Variants in AKAP19 observed in about 807,000 individuals in gnomAD.
The protein encoded by AKAP19 is small A-kinase anchoring protein.
chr2:189,916,811 T>C, the AKAP19 span, among the ~76,000 whole-genome samples: 12 of 152,312 alleles, frequency 7.9e-5, no homozygotes, highest in African/African-American at 2.6e-4. Flanking sequence ...TACTCCTGGG[T>C]AGTATTCCTT....
chr2:190,002,093 C>T, the AKAP19 span, among the ~76,000 whole-genome samples: 1 of 152,194 alleles, frequency 6.6e-6, no homozygotes, highest in African/African-American at 2.4e-5. Context: ...AGAACAAGGG[C>T]AGGGGATATG....
chr2:190,126,316 A>C, the AKAP19 span, among the ~76,000 whole-genome samples: 22 of 141,766 alleles, frequency 1.6e-4, 2 homozygotes, highest in African/African-American at 5.5e-4. Flanking sequence ...AAAAAAAAAA[A>C]AAAAAAAAGG....
chr2:189,934,311 T>G, the AKAP19 span, among the ~76,000 whole-genome samples: 1 of 152,188 alleles, frequency 6.6e-6, no homozygotes, highest in South Asian at 2.1e-4. Context: ...TTACGTCATT[T>G]GTAAAAACTG....
the AKAP19 span, among the ~76,000 whole-genome samples, chr2:189,935,383 G>A: frequency 4.6e-5 from 7 of 151,924 alleles, no homozygotes; most frequent in Non-Finnish European, 1.0e-4. Flanking sequence ...GCTAACATTG[G>A]TAAAGTAAAT....
chr2:189,948,677 T>C, the AKAP19 span, among the ~76,000 whole-genome samples: 7 of 152,366 alleles, frequency 4.6e-5, no homozygotes, highest in Admixed American at 3.9e-4. Flanking sequence ...CTTAATTTTT[T>C]AGCTTATTTT....
At chr2:189,977,201 G>T in the AKAP19 span, among the ~76,000 whole-genome samples, 9 of 152,156 alleles carry the variant, frequency 5.9e-5, no homozygotes, top group Non-Finnish European at 1.2e-4. Flanking sequence ...TAGACTGAAA[G>T]GCTAGTACAA....
At chr2:189,951,096 T>G in the AKAP19 span, among the ~76,000 whole-genome samples, 2 of 152,036 alleles carry the variant, frequency 1.3e-5, no homozygotes, top group African/African-American at 2.4e-5. Flanking sequence ...TCTTCCACCA[T>G]TCTGTTGTGA....
At chr2:190,048,885 C>G in the AKAP19 span, among the ~76,000 whole-genome samples, 2 of 152,108 alleles carry the variant, frequency 1.3e-5, no homozygotes, top group Non-Finnish European at 2.9e-5. Context: ...TTCCTTCACA[C>G]TTATGACAAA....
the AKAP19 span, among the ~76,000 whole-genome samples, chr2:189,949,321 A>G: frequency 6.6e-6 from 1 of 152,084 alleles, no homozygotes; most frequent in Non-Finnish European, 1.5e-5. Context: ...TGGGAGGCCA[A>G]GGCGAGTGGA....
chr2:189,993,820 G>C, the AKAP19 span, among the ~76,000 whole-genome samples: 1 of 152,084 alleles, frequency 6.6e-6, no homozygotes, highest in African/African-American at 2.4e-5. Flanking sequence ...GGTCTTGAAT[G>C]ATCTTTCGTA....
At chr2:189,895,401 G>T in the AKAP19 span, among the ~76,000 whole-genome samples, 14,527 of 152,140 alleles carry the variant, frequency 0.095, 1,528 homozygotes, top group African/African-American at 0.26. Flanking sequence ...TTATATTAAA[G>T]TCAGTAAGTA....
At chr2:190,084,104 T>TC in the AKAP19 span, among the ~76,000 whole-genome samples, 3 of 150,596 alleles carry the variant, frequency 2.0e-5, no homozygotes, top group African/African-American at 7.3e-5. Flanking sequence ...TTTTTTTTTT[T>TC]TTTTCTGAGA....
chr2:190,014,900 C>T, the AKAP19 span, among the ~76,000 whole-genome samples: 1 of 152,222 alleles, frequency 6.6e-6, no homozygotes, highest in African/African-American at 2.4e-5. Context: ...CCAAAATGAT[C>T]TCCTTTGACT....
chr2:190,198,199 T>C, the AKAP19 span, among the ~76,000 whole-genome samples: 4 of 151,908 alleles, frequency 2.6e-5, no homozygotes, highest in African/African-American at 9.7e-5. Flanking sequence ...TTATTAGGGG[T>C]AGGAACAGAT....
chr2:190,148,233 C>T, the AKAP19 span, among the ~76,000 whole-genome samples: 2 of 152,146 alleles, frequency 1.3e-5, no homozygotes, highest in African/African-American at 4.8e-5. Context: ...TGGATTTTGT[C>T]AAATGCTTTT....
the AKAP19 span, among the ~76,000 whole-genome samples, chr2:190,018,721 A>T: frequency 6.6e-6 from 1 of 151,892 alleles, no homozygotes; most frequent in Non-Finnish European, 1.5e-5. Flanking sequence ...TCTTTGTGTC[A>T]TTGTGTTGGT....
chr2:190,119,441 T>C, the AKAP19 span, among the ~76,000 whole-genome samples: 1 of 152,194 alleles, frequency 6.6e-6, no homozygotes, highest in African/African-American at 2.4e-5. Context: ...CCTCCCACCT[T>C]AGTCTTTTAA....
At chr2:189,978,436 C>T in the AKAP19 span, among the ~76,000 whole-genome samples, 1 of 152,066 alleles carries the variant, frequency 6.6e-6, no homozygotes, top group Non-Finnish European at 1.5e-5. Flanking sequence ...GCCTGGCCAA[C>T]ATGGTGAAAC....
the AKAP19 span, among the ~76,000 whole-genome samples, chr2:190,094,990 C>A: frequency 6.6e-6 from 1 of 152,106 alleles, no homozygotes; most frequent in Non-Finnish European, 1.5e-5. Flanking sequence ...TTTGAGAGGC[C>A]GAGATGGGCG....
Sources: allele counts gnomAD v4.1 joint callset (sites outside exome capture counted in the v4.1 genomes callset), GRCh38; gene constraint gnomAD v4.1.1; transcripts MANE v1.5; gene names NCBI Gene and HGNC (gene_info 2026-07-23, HGNC 2026-07-21).